The following PCDH15 variants were observed in gnomAD, a reference collection of about 807,000 sequenced individuals.
PCDH15 encodes the protein protocadherin related 15.
A neutral mutation model predicts 178.5 loss-of-function variants in PCDH15; 129 were observed. The ratio of observed to expected loss-of-function variants is 0.72; its 90% CI spans 0.63 to 0.84. PCDH15 has a LOEUF of 0.84. PCDH15 is among the 40% of genes least tolerant of loss of function. PCDH15 has a pLI of 0.00. For synonymous variants in PCDH15, 800 were observed against 732.0 expected, an observed-to-expected ratio of 1.09 and a Z score of -1.50; for missense variants, 2,230 against 2,099.9, an observed-to-expected ratio of 1.06 and a Z score of -1.21.
chr10:54,241,485 C>T lies in PCDH15; in HGVS notation c.877-4554G>A, dbSNP rs182301601. On this transcript the variant is annotated intron_variant, in intron 8 of 37. Coordinates refer to ENST00000644397, the MANE Select transcript of PCDH15 (RefSeq NM_001384140.1). Reference sequence around the variant, plus strand: ...TCTTATTTGTACTTACAACCCTCAGCCTAGTGCCTCACAGATTTCAACAAA... The same window carrying T: ...TCTTATTTGTACTTACAACCCTCAGTCTAGTGCCTCACAGATTTCAACAAA... 2.2e-3 allele frequency among the ~76,000 whole-genome samples: 330 copies of T among 152,266 alleles called. 2 individuals are homozygous for T. Among genetic ancestry groups the T allele is most frequent in the Non-Finnish European group, 3.6e-3 (246 of 68,004 alleles).
At chr10:54,287,593 C>T (rs569460852) in intron 8 of PCDH15, among the ~76,000 whole-genome samples, 1 of 152,098 alleles carries the variant, frequency 6.6e-6, no homozygotes, top group East Asian at 1.9e-4. Context: ...CTTTTTAAAA[C>T]AAAATTTATT....
At chr10:54,909,412 C>G (rs149431429) in intron 2 of PCDH15, among the ~76,000 whole-genome samples, 1 of 152,142 alleles carries the variant, frequency 6.6e-6, no homozygotes, top group East Asian at 1.9e-4. Context: ...CCCAAAGTCT[C>G]GAGGAGGCCA....
At chr10:54,747,780 TA>T in intron 1 of PCDH15, among the ~76,000 whole-genome samples, 1 of 151,518 alleles carries the variant, frequency 6.6e-6, no homozygotes, top group South Asian at 2.1e-4. Flanking sequence ...ATATTATTTT[TA>T]AAAATAAAAT....
Position 54,185,453 on chromosome 10 carries a change from C to T in PCDH15, c.1306-185G>A, listed in dbSNP as rs190949023. Among the ~76,000 whole-genome samples the T allele has an allele frequency of 1.9e-3, 283 of 151,786 alleles. No homozygotes were observed. The Middle Eastern group carries it at 0.021, about 11-fold the overall frequency. On this transcript the variant is annotated intron_variant, in intron 11 of 37. Transcript: ENST00000644397. ...ATCTAAACTATTCAAAAGATGGTGA[C>T]CTATATCGTGGAATACAAAATACTG... is the stretch of plus-strand genomic sequence containing the variant.
chr10:54,764,753 T>C (rs1341481478), intron 1 of PCDH15, among the ~76,000 whole-genome samples: 1 of 152,040 alleles, frequency 6.6e-6, no homozygotes, highest in Non-Finnish European at 1.5e-5. Flanking sequence ...TGAGTATATG[T>C]CAGGGAAGTG....
At chr10:53,818,418 T>C (rs750448552) in intron 33 of PCDH15, 62 of 154,652 alleles carry the variant, frequency 4.0e-4, no homozygotes, top group Admixed American at 1.3e-3. Context: ...ACATGAAGAA[T>C]GTAATAAACA....
chr10:55,596,311 G>A (rs761012545), intron 2 of PCDH15, among the ~76,000 whole-genome samples: 5 of 151,800 alleles, frequency 3.3e-5, no homozygotes, highest in South Asian at 2.1e-4. Flanking sequence ...TTCTTTGCTC[G>A]TTTTAATAAA....
At chr10:54,612,211 C>A (rs2092984944) in intron 2 of PCDH15, among the ~76,000 whole-genome samples, 1 of 151,734 alleles carries the variant, frequency 6.6e-6, no homozygotes, top group Admixed American at 6.6e-5. Context: ...ATCAGAAATT[C>A]TCAGCTTAAC....
chr10:55,166,852 T>G (rs1839208757), intron 1 of PCDH15, among the ~76,000 whole-genome samples: 1 of 152,150 alleles, frequency 6.6e-6, no homozygotes, highest in African/African-American at 2.4e-5. Flanking sequence ...GTGGAAGACT[T>G]AAGTCTAATT....
Position 54,311,682 on chromosome 10 carries a change from C to T in PCDH15, c.876+5589G>A, listed in dbSNP as rs895507914. 7.9e-5 allele frequency among the ~76,000 whole-genome samples: 12 copies of T among 152,054 alleles called. No individual in the cohort carries two copies. The South Asian group carries it at 1.2e-3, about 16-fold the overall frequency. On this transcript the variant is annotated intron_variant, in intron 8 of 37. Coordinates refer to ENST00000644397, the MANE Select transcript of PCDH15 (RefSeq NM_001384140.1). Reference sequence around the variant, plus strand: ...GCAGAGTACTATGAATTGCTTTCTACCTTTGTAACACCAGATGTATATATT... The same window carrying T: ...GCAGAGTACTATGAATTGCTTTCTATCTTTGTAACACCAGATGTATATATT...
chr10:54,863,351 G>C (rs1201566210), intron 3 of PCDH15, among the ~76,000 whole-genome samples: 3 of 152,102 alleles, frequency 2.0e-5, no homozygotes, highest in Non-Finnish European at 4.4e-5. Flanking sequence ...GACCATCCTG[G>C]CTAACAAGGT....
At chr10:55,471,279 C>T (rs1434386079) in intron 2 of PCDH15, among the ~76,000 whole-genome samples, 1 of 151,996 alleles carries the variant, frequency 6.6e-6, no homozygotes, top group Non-Finnish European at 1.5e-5. Flanking sequence ...AAGTTGTGCT[C>T]TTTTAGTTTA....
At chr10:54,433,977 T>C (rs7078358) in intron 3 of PCDH15, among the ~76,000 whole-genome samples, 4,969 of 152,282 alleles carry the variant, frequency 0.033, 281 homozygotes, top group African/African-American at 0.11. Flanking sequence ...ACACCTTTCA[T>C]TGGGACGAGA....
chr10:54,182,250 A>C (rs2048056557), intron 13 of PCDH15, among the ~76,000 whole-genome samples: 1 of 152,238 alleles, frequency 6.6e-6, no homozygotes, highest in Admixed American at 6.5e-5. Context: ...TACAGGTGTG[A>C]GCCGCCATGC....
At chr10:54,103,646 A>G (rs1327110563) in intron 15 of PCDH15, among the ~76,000 whole-genome samples, 1 of 152,196 alleles carries the variant, frequency 6.6e-6, no homozygotes, top group African/African-American at 2.4e-5. Flanking sequence ...AAGCCTTTAG[A>G]TCCCTTTCTC....
chr10:53,980,092 G>A (rs972578123), intron 21 of PCDH15, among the ~76,000 whole-genome samples: 2 of 147,760 alleles, frequency 1.4e-5, no homozygotes, highest in African/African-American at 2.7e-5. Flanking sequence ...ATCGTGGCGG[G>A]CACCTGTAAT....
chr10:55,328,438 T>C (rs911850203), intron 2 of PCDH15, among the ~76,000 whole-genome samples: 1 of 151,834 alleles, frequency 6.6e-6, no homozygotes. Context: ...CTGAATACTG[T>C]AGGCAATTGA....
chr10:54,831,406 T>G (rs1309786350), intron 3 of PCDH15, among the ~76,000 whole-genome samples: 1 of 152,128 alleles, frequency 6.6e-6, no homozygotes, highest in African/African-American at 2.4e-5. Context: ...AAGTAAGGTA[T>G]AGGATTGAAT....
chr10:54,093,950 A>T (rs568133639), intron 15 of PCDH15, among the ~76,000 whole-genome samples: 4 of 152,162 alleles, frequency 2.6e-5, no homozygotes, highest in Non-Finnish European at 5.9e-5. Context: ...TTATGTGCTT[A>T]TTTTTGATAA....
Sources: gnomAD v4.1 joint callset for allele counts (sites outside exome capture counted in the v4.1 genomes callset) on GRCh38, gnomAD v4.1.1 for gene constraint, MANE v1.5 for transcripts, NCBI Gene and HGNC (gene_info 2026-07-23, HGNC 2026-07-21) for gene names.